NIBAN2: variants seen among roughly 807,000 people sequenced by gnomAD.
NIBAN2 encodes the protein niban apoptosis regulator 2, also known as protein Niban 2.
Under a neutral mutation model 81.8 loss-of-function variants are expected in NIBAN2, and 36 were observed. That is an observed-to-expected ratio of 0.44 (90% CI 0.34 to 0.58). The LOEUF (loss-of-function observed/expected upper bound fraction) is 0.58, where lower values mean the gene tolerates loss of function less well. Ranked by LOEUF, NIBAN2 falls within the 20% of genes least tolerant of loss-of-function variation. The probability of loss-of-function intolerance (pLI) is 0.02; values close to 1 mark genes in which losing one functional copy is unlikely to be tolerated. For missense variants in NIBAN2, 897 were observed against 1,014.1 expected (o/e 0.88, Z 1.57); for synonymous variants, 445 against 441.6 (o/e 1.01, Z -0.10).
At chr9:127,532,359 G>A (rs1361803144) in intron 1 of NIBAN2, among the ~76,000 whole-genome samples, 1 of 152,186 alleles carries the variant, frequency 6.6e-6, no homozygotes, top group Non-Finnish European at 1.5e-5. Context: ...ACTTTTCAAG[G>A]CCAAGGTAGG....
chr9:127,515,674 TAA>T (rs964610339), intron 8 of NIBAN2, among the ~76,000 whole-genome samples: 5 of 138,430 alleles, frequency 3.6e-5, no homozygotes, highest in African/African-American at 1.4e-4. Flanking sequence ...CTGTCTCTAC[TAA>T]AAATACAAAA....
intron 1 of NIBAN2, among the ~76,000 whole-genome samples, chr9:127,560,590 A>T (rs1029089876): frequency 6.6e-6 from 1 of 152,162 alleles, no homozygotes; most frequent in African/African-American, 2.4e-5. Flanking sequence ...CTTCCCAAGG[A>T]AGGCCTTTCC....
rs961453282 is a variant in NIBAN2 at position 127,545,311 on chromosome 9, G to A, written c.56-13533C>T. On this transcript the variant is annotated intron_variant, in intron 1 of 13. Coordinates refer to ENST00000373312, the MANE Select transcript of NIBAN2 (RefSeq NM_022833.4). The surrounding 1 kb of genome is among the most constrained non-coding windows in gnomAD (Gnocchi z 4.7). ...CCTCCACTCCCACAGCCCCTGGCCT[G>A]CTCCCCGGCACTCCCCTCAACCACA... Among the ~76,000 whole-genome samples the A allele has an allele frequency of 2.0e-5, 3 of 151,872 alleles. No individual in the cohort carries two copies. The highest frequency in any genetic ancestry group is 7.3e-5 in the African/African-American group (3 of 41,180).
At position 127,523,169 on chromosome 9, in the gene NIBAN2, T is replaced by TAAA. The variant is rs1159040869; in HGVS notation, c.589+507_589+509dup. On this transcript the variant is annotated intron_variant, in intron 5 of 13. Transcript: ENST00000373312. ...AAATCACCCTGCAGGTTGGTGGTTTTAAAAAAAAAAAAAAAAAAAAAAAAT... is the reference window on the plus strand; with the variant it reads ...AAATCACCCTGCAGGTTGGTGGTTTTAAAAAAAAAAAAAAAAAAAAAAAAAAAT... Among the ~76,000 whole-genome samples the TAAA allele has an allele frequency of 4.4e-4, 5 of 11,326 alleles. 1 individual carries two copies. Among genetic ancestry groups the TAAA allele is most frequent in the South Asian group, 6.1e-3 (2 of 328 alleles). The allele number at this position is 11,326 out of a possible 152,430, so 7.4% of individuals were successfully genotyped here.
Position 127,510,207 on chromosome 9 carries a change from T to C in NIBAN2, c.1100A>G (p.Lys367Arg), listed in dbSNP as rs1259035907. The C allele has an allele frequency of 6.2e-7, 1 of 1,614,088 alleles. No individual in the cohort carries two copies. Among genetic ancestry groups the C allele is most frequent in the Middle Eastern group, 1.7e-4 (1 of 6,060 alleles). The change falls in exon 9 of 14, where the codon AAG becomes AGG. Residue 367 changes from lysine to arginine, a missense_variant. Physicochemically the swap from Lys to Arg is conservative, Grantham distance 26. This residue lies in a region of NIBAN2 where 619 missense variants were observed against 691.0 expected (regional missense o/e 0.90). Coordinates refer to ENST00000373312, the MANE Select transcript of NIBAN2 (RefSeq NM_022833.4). ...GFTEVRDVFF[K>R]EVTDMNLNVI... ...GTTCAGGTTCATGTCCGTGACCTCCTTGAAGAAGACATCTCGCACCTCAGT... is the reference window on the plus strand; with the variant it reads ...GTTCAGGTTCATGTCCGTGACCTCCCTGAAGAAGACATCTCGCACCTCAGT...
At chr9:127,548,310 C>T (rs140111966) in intron 1 of NIBAN2, among the ~76,000 whole-genome samples, 1 of 152,292 alleles carries the variant, frequency 6.6e-6, no homozygotes, top group East Asian at 1.9e-4. Context: ...GAACCTCGAC[C>T]GACCACAGCC....
At chr9:127,535,838 G>T (rs927985504) in intron 1 of NIBAN2, among the ~76,000 whole-genome samples, 2 of 151,934 alleles carry the variant, frequency 1.3e-5, no homozygotes, top group African/African-American at 4.8e-5. Context: ...TGTCGGCAAG[G>T]GGAGGAATAG....
chr9:127,544,764 G>A (rs908380112), intron 1 of NIBAN2, among the ~76,000 whole-genome samples: 7 of 152,166 alleles, frequency 4.6e-5, no homozygotes, highest in African/African-American at 1.7e-4. Context: ...TCGGCCTCCC[G>A]AAGTGCTAGG....
intron 1 of NIBAN2, among the ~76,000 whole-genome samples, chr9:127,568,409 G>C (rs998985670): frequency 6.6e-6 from 1 of 152,204 alleles, no homozygotes; most frequent in Non-Finnish European, 1.5e-5. Flanking sequence ...GGAGGAAGGT[G>C]AGCGCGAGCT....
intron 1 of NIBAN2, among the ~76,000 whole-genome samples, chr9:127,558,676 C>A (rs1425617762): frequency 6.6e-6 from 1 of 152,136 alleles, no homozygotes; most frequent in Non-Finnish European, 1.5e-5. Context: ...AAACTCAGCT[C>A]TCTTTTCTAC....
Position 127,506,820 on chromosome 9 carries a change from G to A in NIBAN2, c.*25C>T, listed in dbSNP as rs1836605755. 1 of 1,570,938 alleles carries A rather than the reference G, an allele frequency of 6.4e-7. No individual in the cohort carries two copies. The highest frequency in any genetic ancestry group is 8.7e-7 in the Non-Finnish European group (1 of 1,155,168). The stretch of plus-strand genomic sequence containing the variant: ...TCCGGAAGGGAACGGCCTGTGCCAT[G>A]TGCAGCAGTCAGGGACCCACTGGCC... On this transcript the variant is annotated 3_prime_UTR_variant, in exon 14 of 14. Transcript: ENST00000373312.
At chr9:127,554,686 G>A (rs1481740084) in intron 1 of NIBAN2, among the ~76,000 whole-genome samples, 1 of 150,608 alleles carries the variant, frequency 6.6e-6, no homozygotes, top group Non-Finnish European at 1.5e-5. Context: ...TCAGCCTCTC[G>A]AGTAGCTGGG....
At position 127,568,996 on chromosome 9, in the gene NIBAN2, GCCGC is replaced by G; in HGVS notation, c.-126_-123del. 9.0e-7 allele frequency: 1 copy of G among 1,113,256 alleles called. No homozygotes were observed. Among genetic ancestry groups the G allele is most frequent in the Non-Finnish European group, 1.1e-6 (1 of 916,306 alleles). The allele number at this position is 1,113,256 out of a possible 1,614,324, so 69.0% of individuals were successfully genotyped here. A position where few individuals can be genotyped will look rare whatever the true frequency, so the allele number is the denominator to read the frequency against. On this transcript the variant is annotated 5_prime_UTR_variant, in exon 1 of 14. Coordinates refer to ENST00000373312, the MANE Select transcript of NIBAN2 (RefSeq NM_022833.4). ...TGCTTCCCCCGCTCCCGCCGCTCCC[GCCGC>G]TCCCGCCGCCCGGCTGCGGCTTCCG... is the stretch of plus-strand genomic sequence containing the variant.
Position 127,545,940 on chromosome 9 carries a change from G to A in NIBAN2, c.56-14162C>T, listed in dbSNP as rs749858906. On this transcript the variant is annotated intron_variant, in intron 1 of 13. Transcript: ENST00000373312. This position sits in a 1 kb window ranked among gnomAD's most constrained non-coding sequence, Gnocchi z 4.7. ...CCCACAGTGGCAGCTTGTTCTGGGA[G>A]CCCAGGATGAGGCATGCCTGCCGTC... Among the ~76,000 whole-genome samples, 79 of 152,122 alleles carry A rather than the reference G, an allele frequency of 5.2e-4. No individual in the cohort carries two copies. Among genetic ancestry groups the A allele is most frequent in the Non-Finnish European group, 6.9e-4 (47 of 68,008 alleles).
rs538399578 is a variant in NIBAN2 at position 127,520,614 on chromosome 9, T to C, written c.590-2673A>G. Among the ~76,000 whole-genome samples the C allele has an allele frequency of 2.4e-4, 37 of 152,218 alleles. 1 individual carries two copies. The highest frequency in any genetic ancestry group is 5.8e-4 in the East Asian group (3 of 5,158). ...ACCAAATCCAATACAACTAGTGCCC[T>C]TAAAAGAATAGTACATTTTGGCCGG... On this transcript the variant is annotated intron_variant, in intron 5 of 13. Transcript: ENST00000373312.
chr9:127,543,990 C>T (rs1837427078), intron 1 of NIBAN2, among the ~76,000 whole-genome samples: 1 of 152,216 alleles, frequency 6.6e-6, no homozygotes, highest in African/African-American at 2.4e-5. Context: ...GATAAGGGAT[C>T]TGAGGCTCCT....
chr9:127,527,594 A>C (rs1837100090), intron 2 of NIBAN2, among the ~76,000 whole-genome samples: 1 of 152,150 alleles, frequency 6.6e-6, no homozygotes, highest in African/African-American at 2.4e-5. Flanking sequence ...ACAGGCACTG[A>C]TGTAGGGCCT....
intron 1 of NIBAN2, among the ~76,000 whole-genome samples, chr9:127,567,899 T>C (rs1471940606): frequency 2.6e-5 from 4 of 152,168 alleles, no homozygotes; most frequent in African/African-American, 4.8e-5. Flanking sequence ...ACAGGACAGA[T>C]GTCTGGGAAG....
Position 127,507,324 on chromosome 9 carries a change from C to G in NIBAN2, c.1762G>C (p.Asp588His), listed in dbSNP as rs560007259. The G allele has an allele frequency of 6.4e-7, 1 of 1,566,922 alleles. No homozygotes were observed. Among genetic ancestry groups the G allele is most frequent in the Non-Finnish European group, 8.7e-7 (1 of 1,152,616 alleles). Reference sequence around the variant, plus strand: ...CTGTTGCTGTACTCCTCGCCCCAGTCGATGGGGGCGCCCTCGGCCAGCAGG... The same window carrying G: ...CTGTTGCTGTACTCCTCGCCCCAGTGGATGGGGGCGCCCTCGGCCAGCAGG... ...LHLLAEGAPI[D>H]WGEEYSNSGG... Residue 588 changes from aspartate (D) to histidine (H), a missense_variant, in exon 14 of 14, where the codon GAC becomes CAC. This residue lies in a region of NIBAN2 where 619 missense variants were observed against 691.0 expected (regional missense o/e 0.90). Transcript: ENST00000373312. This position sits in a 1 kb window ranked among gnomAD's most constrained non-coding sequence, Gnocchi z 6.8.
Sources: allele counts gnomAD v4.1 joint callset (sites outside exome capture counted in the v4.1 genomes callset), GRCh38; gene constraint gnomAD v4.1.1; regional missense constraint gnomAD v4.1.1; non-coding constraint Gnocchi (gnomAD v3.1); transcripts MANE v1.5; gene names NCBI Gene and HGNC (gene_info 2026-07-23, HGNC 2026-07-21).